Variants in ANKFY1 observed in about 807,000 individuals in gnomAD.
ANKFY1 encodes the protein ankyrin repeat and FYVE domain-containing protein 1.
A neutral mutation model predicts 128.3 loss-of-function variants in ANKFY1; 47 were observed. The ratio of observed to expected loss-of-function variants is 0.37; its 90% CI spans 0.29 to 0.47. The LOEUF is 0.47. Ranked by LOEUF, ANKFY1 falls within the 20% of genes least tolerant of loss-of-function variation. ANKFY1 has a pLI of 1.00. For missense variants in ANKFY1, 1,222 were observed against 1,510.6 expected, an observed-to-expected ratio of 0.81 and a Z score of 3.17; for synonymous variants, 553 against 601.6, an observed-to-expected ratio of 0.92 and a Z score of 1.18.
chr17:4,236,661 T>TGCTGGCAGGAATCCAAAGTC (rs1463924211), intron 2 of ANKFY1, among the ~76,000 whole-genome samples: 1 of 152,236 alleles, frequency 6.6e-6, no homozygotes, highest in Non-Finnish European at 1.5e-5. Flanking sequence ...CGTATGGCTA[T>TGCTGGCAGGAATCCAAAGTC]GCTGGCAGGA....
At chr17:4,263,492 C>T in intron 1 of ANKFY1, 1 of 1,202,056 alleles carries the variant, frequency 8.3e-7, no homozygotes, top group South Asian at 1.3e-5. Context: ...CACCCCAACC[C>T]AGCCCGAGGA....
chr17:4,186,973 T>C, intron 11 of ANKFY1: 1 of 1,199,580 alleles, frequency 8.3e-7, no homozygotes, highest in East Asian at 3.4e-5. Context: ...GTTTCCTCTG[T>C]TTTTCCATGG....
At chr17:4,207,376 A>G (rs2060044920) in intron 6 of ANKFY1, among the ~76,000 whole-genome samples, 1 of 152,232 alleles carries the variant, frequency 6.6e-6, no homozygotes, top group South Asian at 2.1e-4. Flanking sequence ...GGAGGGCTCT[A>G]GAAGGTGGGA....
chr17:4,181,179 G>A lies in ANKFY1; in HGVS notation c.2240+75C>T, dbSNP rs1205216496. ...CTACTGGCATGCCAAGACTATAGAC[G>A]GATTTAAAAAGGAAAGAGCCAGTTT... is the stretch of plus-strand genomic sequence containing the variant. On this transcript the variant is annotated intron_variant, in intron 16 of 24. Coordinates refer to ENST00000341657, the MANE Select transcript of ANKFY1 (RefSeq NM_001330063.2). The surrounding 1 kb of genome is among the most constrained non-coding windows in gnomAD (Gnocchi z 4.9). 1.2e-5 allele frequency: 15 copies of A among 1,241,272 alleles called. No individual in the cohort carries two copies. Among genetic ancestry groups the A allele is most frequent in the East Asian group, 2.3e-5 (1 of 42,568 alleles). The allele number at this position is 1,241,272 out of a possible 1,614,324, so 76.9% of individuals were successfully genotyped here.
chr17:4,180,151 G>C, intron 16 of ANKFY1: 1 of 413,112 alleles, frequency 2.4e-6, no homozygotes, highest in South Asian at 3.1e-5. Flanking sequence ...GAACCAGCCG[G>C]ATGCGGTGGC....
At position 4,173,442 on chromosome 17, in the gene ANKFY1, G is replaced by C; in HGVS notation, c.2926C>G (p.Leu976Val). Residue 976 changes from leucine (L) to valine (V), a missense_variant and splice_region_variant, in exon 21 of 25, where the codon CTT (leucine) becomes GTT (valine). Coordinates refer to ENST00000341657, the MANE Select transcript of ANKFY1 (RefSeq NM_001330063.2). ...CGGCCGTGCATGACAGCAAGATGAA[G>C]AGCTGGGAAGTAAATCCTCTTACTA... ...AAVDENGNNA[L>V]HLAVMHGRLN... is the part of the protein sequence containing the mutation. 6.2e-7 allele frequency: 1 copy of C among 1,614,050 alleles called. No individual in the cohort carries two copies. The highest frequency in any genetic ancestry group is 8.5e-7 in the Non-Finnish European group (1 of 1,179,912).
chr17:4,252,536 C>T (rs920432087), intron 1 of ANKFY1, among the ~76,000 whole-genome samples: 2 of 151,784 alleles, frequency 1.3e-5, no homozygotes, highest in Non-Finnish European at 2.9e-5. Flanking sequence ...ACCACTGCAC[C>T]CCAGCCTGGG....
At chr17:4,179,273 A>G (rs2059465495) in intron 17 of ANKFY1, 2 of 600,606 alleles carry the variant, frequency 3.3e-6, no homozygotes, top group African/African-American at 3.7e-5. Context: ...CCGTAGGACC[A>G]GCACAAACAT....
At chr17:4,221,308 C>A (rs952438086) in intron 3 of ANKFY1, among the ~76,000 whole-genome samples, 4 of 152,088 alleles carry the variant, frequency 2.6e-5, no homozygotes, top group African/African-American at 9.7e-5. Context: ...ACCTCCCAGG[C>A]TCAATCAATT....
intron 3 of ANKFY1, among the ~76,000 whole-genome samples, chr17:4,221,489 G>A (rs1214938165): frequency 2.0e-5 from 3 of 152,142 alleles, no homozygotes; most frequent in Non-Finnish European, 4.4e-5. Flanking sequence ...TGGTATTACA[G>A]GCATAAACCA....
chr17:4,222,517 C>A, intron 3 of ANKFY1: 1 of 990,730 alleles, frequency 1.0e-6, no homozygotes, highest in Admixed American at 1.7e-5. Context: ...GGGAGAAGTT[C>A]TACGCACTTT....
chr17:4,200,837 T>C (rs1387278134), intron 7 of ANKFY1, among the ~76,000 whole-genome samples: 10 of 152,170 alleles, frequency 6.6e-5, no homozygotes, highest in Admixed American at 3.9e-4. Flanking sequence ...TTCCAAAGTT[T>C]TCCTTTCATA....
At chr17:4,233,937 A>G (rs1188328616) in intron 3 of ANKFY1, among the ~76,000 whole-genome samples, 2 of 152,270 alleles carry the variant, frequency 1.3e-5, no homozygotes, top group Non-Finnish European at 2.9e-5. Flanking sequence ...CATAAGCAGC[A>G]TAACTATGTT....
intron 6 of ANKFY1, among the ~76,000 whole-genome samples, chr17:4,207,515 A>G (rs2060047466): frequency 1.3e-5 from 2 of 152,198 alleles, no homozygotes; most frequent in Admixed American, 6.5e-5. Context: ...AAAGAAGCAC[A>G]GCCTGCCGAC....
chr17:4,180,184 T>C (rs533221006), intron 16 of ANKFY1: 1 of 299,186 alleles, frequency 3.3e-6, no homozygotes, highest in East Asian at 7.3e-5. Flanking sequence ...TCCCAGCACT[T>C]TGGGAGGCCG....
intron 12 of ANKFY1, 129 bp downstream of exon 12, chr17:4,184,689 A>C (rs1332879525): frequency 9.9e-7 from 1 of 1,012,584 alleles, no homozygotes; most frequent in Non-Finnish European, 1.5e-6. Flanking sequence ...TTTGACCTGA[A>C]AGGATTTTTT....
At chr17:4,190,246 G>GC (rs1162597359) in intron 10 of ANKFY1, among the ~76,000 whole-genome samples, 1 of 152,128 alleles carries the variant, frequency 6.6e-6, no homozygotes, top group Non-Finnish European at 1.5e-5. Context: ...TTTGAGATCA[G>GC]CCCGGCCGAC....
chr17:4,186,178 C>T (rs542452506), intron 11 of ANKFY1: 21 of 152,356 alleles, frequency 1.4e-4, no homozygotes, highest in African/African-American at 4.8e-4. Context: ...TAAACACACA[C>T]ACTGGAGTGT....
intron 23 of ANKFY1, 133 bp downstream of exon 23, chr17:4,170,582 C>A (rs2059297954): frequency 7.8e-7 from 1 of 1,281,216 alleles, no homozygotes; most frequent in Non-Finnish European, 1.1e-6. Context: ...GAGAAATGGT[C>A]CCAGCTACTG....
Sources: allele counts gnomAD v4.1 joint callset (sites outside exome capture counted in the v4.1 genomes callset), GRCh38; gene constraint gnomAD v4.1.1; non-coding constraint Gnocchi (gnomAD v3.1); transcripts MANE v1.5; gene names NCBI Gene and HGNC (gene_info 2026-07-23, HGNC 2026-07-21).